TBC1D30: variants seen among roughly 807,000 people sequenced by gnomAD.
TBC1D30 encodes TBC1 domain family member 30, also known as TBC1 domain family, member 30.
TBC1D30 carries 31 observed loss-of-function variants against 63.2 expected under a neutral mutation model. The observed-to-expected ratio is 0.49, with a 90% CI of 0.37 to 0.66. The LOEUF is 0.66. TBC1D30 is among the 30% of genes least tolerant of loss of function. The pLI, the probability that TBC1D30 is intolerant of heterozygous loss-of-function variation, is 0.00. For missense variants in TBC1D30, 810 were observed against 953.6 expected (o/e 0.85, Z 1.98); for synonymous variants, 307 against 361.5 (o/e 0.85, Z 1.71).
chr12:64,854,583 C>G (rs1877144751), intron 8 of TBC1D30, among the ~76,000 whole-genome samples: 1 of 151,428 alleles, frequency 6.6e-6, no homozygotes, highest in Non-Finnish European at 1.5e-5. Context: ...CAAGCTCCGT[C>G]TCCCAGGTTC....
intron 8 of TBC1D30, among the ~76,000 whole-genome samples, chr12:64,844,142 A>G (rs1241928459): frequency 6.6e-6 from 1 of 152,116 alleles, no homozygotes; most frequent in Non-Finnish European, 1.5e-5. Context: ...TAAATTATTG[A>G]GGATAAAAAA....
intron 2 of TBC1D30, among the ~76,000 whole-genome samples, chr12:64,812,393 A>C (rs542098852): frequency 1.5e-4 from 23 of 152,228 alleles, no homozygotes; most frequent in African/African-American, 5.5e-4. Context: ...CTCCTCCTAT[A>C]TTTGCGCATC....
chr12:64,822,531 A>G (rs1429774837), upstream of TBC1D30, among the ~76,000 whole-genome samples: 2 of 148,270 alleles, frequency 1.3e-5, no homozygotes, highest in Non-Finnish European at 3.0e-5. Context: ...GCAGGGTCTC[A>G]CCATCACCCA....
chr12:64,830,557 C>G (rs1429014413), intron 4 of TBC1D30, 55 bp downstream of exon 4: 3 of 1,424,590 alleles, frequency 2.1e-6, no homozygotes, highest in Non-Finnish European at 2.8e-6. Flanking sequence ...ACTCTAAAAG[C>G]CAGTTGCTTT....
intron 8 of TBC1D30, among the ~76,000 whole-genome samples, chr12:64,857,302 G>T (rs1877391056): frequency 6.6e-6 from 1 of 152,170 alleles, no homozygotes; most frequent in Non-Finnish European, 1.5e-5. Flanking sequence ...TAGTCGGCAG[G>T]TGATGAATCC....
intron 7 of TBC1D30, among the ~76,000 whole-genome samples, chr12:64,839,720 C>G (rs1875677327): frequency 6.6e-6 from 1 of 152,152 alleles, no homozygotes; most frequent in South Asian, 2.1e-4. Flanking sequence ...GATCCACCAA[C>G]TATCGGCCGA....
chr12:64,787,278 T>A, intron 2 of TBC1D30: 1 of 677,412 alleles, frequency 1.5e-6, no homozygotes, highest in Non-Finnish European at 1.8e-6. Flanking sequence ...GAATTAATTT[T>A]AAAATTCTCC....
rs1878077151 is a variant in TBC1D30, at chr12:64,864,743, C to T, written c.1114C>T (p.Pro372Ser). 6.5e-7 allele frequency: 1 copy of T among 1,535,980 alleles called. No individual in the cohort carries two copies. The highest frequency in any genetic ancestry group is 1.4e-5 in the African/African-American group (1 of 73,020). Residue 372 changes from proline (P) to serine (S), a missense_variant, in exon 9 of 12, where the codon CCG becomes TCG. Physicochemically the swap from Pro to Ser is moderately conservative, Grantham distance 74. This residue lies in a region of TBC1D30 where 83 missense variants were observed against 121.5 expected (regional missense o/e 0.68). Transcript: ENST00000539867. ...LREKYTYNITPFPATVKPTSV... is the reference protein window; with the variant it reads ...LREKYTYNITSFPATVKPTSV... ...GGAAAAATACACCTACAACATTACA[C>T]CGTTCCCAGCCACAGTTAAACCCAC...
chr12:64,876,816 C>G lies in TBC1D30; in HGVS notation c.*1028C>G. ...GCCCCAGTGCTTTCTAGCTCCCTCT[C>G]ACTCCTGCCCTTTCTAGCTCTCTCT... On this transcript the variant is annotated 3_prime_UTR_variant, in exon 12 of 12. Coordinates refer to ENST00000539867, the MANE Select transcript of TBC1D30 (RefSeq NM_015279.2). 1 of 456,138 alleles carries G rather than the reference C, an allele frequency of 2.2e-6. No individual in the cohort carries two copies. Among genetic ancestry groups the G allele is most frequent in the Non-Finnish European group, 4.4e-6 (1 of 226,802 alleles). 28.3% of individuals were successfully genotyped at this position (456,138 alleles called of 1,614,324 possible). A position where few individuals can be genotyped will look rare whatever the true frequency, so the allele number is the denominator to read the frequency against.
chr12:64,840,090 C>T (rs1468787028), intron 7 of TBC1D30, among the ~76,000 whole-genome samples: 2 of 151,636 alleles, frequency 1.3e-5, no homozygotes, highest in Non-Finnish European at 2.9e-5. Flanking sequence ...TTAAACATCA[C>T]CTAGCTATCT....
At chr12:64,786,092 T>C (rs1288665183) in intron 2 of TBC1D30, 29 of 1,254,890 alleles carry the variant, frequency 2.3e-5, no homozygotes, top group Non-Finnish European at 2.8e-5. Context: ...GCAACTAGAA[T>C]GTTAGGAAAG....
chr12:64,787,298 C>T, intron 2 of TBC1D30: 1 of 834,200 alleles, frequency 1.2e-6, no homozygotes, highest in Non-Finnish European at 1.4e-6. Context: ...CATGCAATAG[C>T]CTTATGTTTT....
At chr12:64,849,523 A>G (rs1015592671) in intron 8 of TBC1D30, among the ~76,000 whole-genome samples, 1 of 152,228 alleles carries the variant, frequency 6.6e-6, no homozygotes, top group Non-Finnish European at 1.5e-5. Context: ...CCATTTATAA[A>G]TAGGGAATCC....
exon 1 of TBC1D30, chr12:64,781,002 C>G (rs931876628): frequency 1.2e-5 from 13 of 1,040,456 alleles, no homozygotes; most frequent in Non-Finnish European, 1.5e-5. Flanking sequence ...GATGAGGACA[C>G]GGAGCCCGGC....
chr12:64,866,341 A>G (rs1310620904), intron 9 of TBC1D30, among the ~76,000 whole-genome samples: 1 of 152,250 alleles, frequency 6.6e-6, no homozygotes, highest in African/African-American at 2.4e-5. Flanking sequence ...TGGGAATTAG[A>G]TGGGAGATTC....
intron 2 of TBC1D30, 55 bp from the exon 3 acceptor site, chr12:64,828,389 A>T: frequency 7.7e-7 from 1 of 1,295,964 alleles, no homozygotes. Context: ...AAAGATTGCA[A>T]AGTGCTTATC....
intron 2 of TBC1D30, among the ~76,000 whole-genome samples, chr12:64,816,669 A>T (rs902747272): frequency 1.3e-5 from 2 of 152,230 alleles, no homozygotes; most frequent in Non-Finnish European, 2.9e-5. Context: ...TTTGCCTGAG[A>T]ACTCCAAAGC....
chr12:64,799,533 T>C (rs970810551), intron 2 of TBC1D30, among the ~76,000 whole-genome samples: 2 of 152,316 alleles, frequency 1.3e-5, no homozygotes, highest in South Asian at 2.1e-4. Context: ...AAGAAATTGA[T>C]GAGATGGGTT....
chr12:64,767,788 C>CGGGGGGGGGGGGG (rs59418018), intron 1 of TBC1D30, among the ~76,000 whole-genome samples: 1 of 60,146 alleles, frequency 1.7e-5, no homozygotes, highest in Non-Finnish European at 3.4e-5. Flanking sequence ...CATGCTCCGG[C>CGGGGGGGGGGGGG]GGGGGGGGGG....
Sources: gnomAD v4.1 joint callset for allele counts (sites outside exome capture counted in the v4.1 genomes callset) on GRCh38, gnomAD v4.1.1 for gene constraint, gnomAD v4.1.1 regional missense constraint, MANE v1.5 for transcripts, NCBI Gene and HGNC (gene_info 2026-07-23, HGNC 2026-07-21) for gene names.